Variants in GBE1 observed in about 807,000 individuals in gnomAD.
GBE1 encodes the protein 1,4-alpha-glucan-branching enzyme.
Under a neutral mutation model 88.8 loss-of-function variants are expected in GBE1, and 70 were observed. That is an observed-to-expected ratio of 0.79 (90% CI 0.65 to 0.96). GBE1 has a LOEUF of 0.96. Among genes scored for constraint, GBE1 ranks in the 40% least tolerant of loss-of-function variants. GBE1 has a pLI of 0.00. For missense variants in GBE1, 872 were observed against 871.0 expected, an observed-to-expected ratio of 1.00 and a Z score of -0.01; for synonymous variants, 284 against 300.1, an observed-to-expected ratio of 0.95 and a Z score of 0.56.
intron 2 of GBE1, among the ~76,000 whole-genome samples, chr3:81,680,625 ATC>A (rs1396573435): frequency 1.3e-5 from 2 of 152,026 alleles, no homozygotes; most frequent in African/African-American, 4.8e-5. Flanking sequence ...TGCATTATTG[ATC>A]TCTTTTTACC....
At position 81,642,926 on chromosome 3, in the gene GBE1, C is replaced by G; in HGVS notation, c.847G>C (p.Val283Leu). The change falls in exon 7 of 16, where the codon GTC (valine) becomes CTC (leucine). Residue 283 changes from valine to leucine, a missense_variant. By Grantham distance (32) the Val-to-Leu change is conservative. Transcript: ENST00000429644. ...TGGCTGTGTACCACATCTAAGAGGA[C>G]TATGATACCCATGGAATGAGCTGTG... The part of the protein sequence containing the change: ...VDTAHSMGII[V>L]LLDVVHSHAS... 2 of 1,613,018 alleles carry G rather than the reference C, an allele frequency of 1.2e-6. No individual in the cohort carries two copies. The highest frequency in any genetic ancestry group is 1.7e-6 in the Non-Finnish European group (2 of 1,179,326).
In GBE1 at chr3:81,577,937, G is replaced by C. The variant is rs1703670422; in HGVS notation, c.1606C>G (p.Leu536Val). The C allele has an allele frequency of 6.3e-7, 1 of 1,594,122 alleles. No individual in the cohort carries two copies. The highest frequency in any genetic ancestry group is 8.5e-7 in the Non-Finnish European group (1 of 1,173,252). ...ITHGLGGEGY[L>V]NFMGNEFGHP... ...AACTCACACTTACCCATGAAATTGA[G>C]ATAGCCTTCTCCACCAAGCCCATGC... The change falls in exon 12 of 16, where the codon CTC (leucine) becomes GTC (valine). Residue 536 changes from leucine to valine, a missense_variant. Coordinates refer to ENST00000429644, the MANE Select transcript of GBE1 (RefSeq NM_000158.4).
At chr3:81,609,863 TAG>T in intron 7 of GBE1, among the ~76,000 whole-genome samples, 1 of 152,310 alleles carries the variant, frequency 6.6e-6, no homozygotes, top group East Asian at 1.9e-4. Flanking sequence ...TTGCTCACAA[TAG>T]AGTCTCGTAG....
intron 12 of GBE1, among the ~76,000 whole-genome samples, chr3:81,553,044 G>A (rs969801097): frequency 4.5e-4 from 68 of 152,112 alleles, no homozygotes; most frequent in African/African-American, 1.6e-3. Flanking sequence ...ATTGTATCTG[G>A]CACTAAGTAC....
chr3:81,574,526 A>ATGC (rs10629496), intron 12 of GBE1, among the ~76,000 whole-genome samples: 9,837 of 152,168 alleles, frequency 0.065, 524 homozygotes, highest in African/African-American at 0.14. Context: ...CTTAACCACT[A>ATGC]TGCTGTACCT....
At chr3:81,565,669 A>T (rs1022183190) in intron 12 of GBE1, among the ~76,000 whole-genome samples, 1 of 152,178 alleles carries the variant, frequency 6.6e-6, no homozygotes, top group Non-Finnish European at 1.5e-5. Context: ...AAATTTCATA[A>T]TACTGCTGAG....
At chr3:81,666,922 G>C (rs1015026296) in intron 3 of GBE1, among the ~76,000 whole-genome samples, 4 of 152,136 alleles carry the variant, frequency 2.6e-5, no homozygotes, top group African/African-American at 9.7e-5. Context: ...CCTTTAGAGA[G>C]CTCAATTGTA....
intron 1 of GBE1, among the ~76,000 whole-genome samples, chr3:81,726,528 C>A (rs894852215): frequency 6.7e-6 from 1 of 149,016 alleles, no homozygotes; most frequent in Non-Finnish European, 1.5e-5. Flanking sequence ...AATGGTGTAT[C>A]TTATTGTACT....
In GBE1 at chr3:81,670,861, C is replaced by T. The variant is rs565408717; in HGVS notation, c.406G>A (p.Val136Met). ...IPPKQNKSVL[V>M]PHGSKLKVVI... ...ACCTTTAATTTGGATCCATGAGGCA[C>T]GAGTACAGATTTATTCTGCTTTGGT... Residue 136 changes from valine to methionine, a missense_variant, in exon 3 of 16, where the codon GTG (valine) becomes ATG (methionine). Transcript: ENST00000429644. 2.3e-5 allele frequency: 36 copies of T among 1,564,892 alleles called. No homozygotes were observed. The highest frequency in any genetic ancestry group is 1.7e-4 in the Middle Eastern group (1 of 5,958).
At chr3:81,615,927 C>A (rs1267508391) in intron 7 of GBE1, among the ~76,000 whole-genome samples, 1 of 152,136 alleles carries the variant, frequency 6.6e-6, no homozygotes, top group African/African-American at 2.4e-5. Context: ...TCCTCACCAG[C>A]ATTTGGTGTA....
chr3:81,671,044 CA>C (rs903360972), intron 2 of GBE1, 91 bp from the exon 3 acceptor site: 68 of 530,554 alleles, frequency 1.3e-4, no homozygotes, highest in Non-Finnish European at 2.1e-4. Context: ...TTTACTTGCA[CA>C]AAAAATCAAA....
chr3:81,631,551 A>G (rs1160571923), intron 7 of GBE1, among the ~76,000 whole-genome samples: 1 of 151,842 alleles, frequency 6.6e-6, no homozygotes, highest in Non-Finnish European at 1.5e-5. Flanking sequence ...CCTGGCCAAC[A>G]TGGTGAAACC....
intron 3 of GBE1, among the ~76,000 whole-genome samples, chr3:81,661,478 A>T (rs899016290): frequency 2.0e-5 from 3 of 152,206 alleles, no homozygotes; most frequent in Admixed American, 6.5e-5. Flanking sequence ...CGCATTAAAC[A>T]CTTGTTGAGA....
intron 12 of GBE1, among the ~76,000 whole-genome samples, chr3:81,538,512 G>A (rs999177539): frequency 1.3e-5 from 2 of 152,018 alleles, no homozygotes; most frequent in African/African-American, 2.4e-5. Context: ...GCAGAGAGCC[G>A]ACTTTATGAG....
At chr3:81,523,473 T>A (rs1248787093) in intron 14 of GBE1, among the ~76,000 whole-genome samples, 1 of 151,660 alleles carries the variant, frequency 6.6e-6, no homozygotes, top group Non-Finnish European at 1.5e-5. Context: ...CTCAAGCATT[T>A]ATCCTTTTTT....
At chr3:81,705,716 A>G (rs1485923309) in intron 1 of GBE1, 103 bp from the exon 2 acceptor site, 1 of 642,692 alleles carries the variant, frequency 1.6e-6, no homozygotes. Flanking sequence ...GGAAAAAAAG[A>G]CATTATTAAA....
intron 2 of GBE1, among the ~76,000 whole-genome samples, chr3:81,699,609 G>A (rs1033345142): frequency 6.6e-6 from 1 of 152,146 alleles, no homozygotes; most frequent in African/African-American, 2.4e-5. Flanking sequence ...GGAGTCTGAC[G>A]TTCAAGGGCT....
chr3:81,586,313 A>G (rs1245034020), intron 9 of GBE1, 123 bp from the exon 10 acceptor site: 6 of 612,230 alleles, frequency 9.8e-6, no homozygotes, highest in Non-Finnish European at 2.8e-6. Flanking sequence ...TTGGTAACAT[A>G]AAAGTCGATA....
intron 7 of GBE1, among the ~76,000 whole-genome samples, chr3:81,626,654 G>A (rs1052861684): frequency 6.6e-6 from 1 of 151,068 alleles, no homozygotes; most frequent in African/African-American, 2.4e-5. Context: ...AGTGGCTAGA[G>A]CGTAGTAAGC....
Sources: gnomAD v4.1 joint callset for allele counts (sites outside exome capture counted in the v4.1 genomes callset) on GRCh38, gnomAD v4.1.1 for gene constraint, MANE v1.5 for transcripts, NCBI Gene and HGNC (gene_info 2026-07-23, HGNC 2026-07-21) for gene names.